Variants in PRKCH observed in about 807,000 individuals in gnomAD.
The protein encoded by PRKCH is protein kinase C eta.
PRKCH carries 28 observed loss-of-function variants against 82.5 expected under a neutral mutation model. The ratio of observed to expected loss-of-function variants is 0.34; its 90% CI spans 0.25 to 0.47. The LOEUF is 0.47. Ranked by LOEUF, PRKCH falls within the 20% of genes least tolerant of loss-of-function variation. PRKCH has a pLI of 1.00. For missense variants in PRKCH, 705 were observed against 881.8 expected, an observed-to-expected ratio of 0.80 and a Z score of 2.54; for synonymous variants, 322 against 327.4, an observed-to-expected ratio of 0.98 and a Z score of 0.18.
chr14:61,242,173 A>G (rs571753386), intron 1 of PRKCH, among the ~76,000 whole-genome samples: 2 of 152,316 alleles, frequency 1.3e-5, no homozygotes, highest in Admixed American at 1.3e-4. Flanking sequence ...TAGAGTGACA[A>G]TGGAGCAGGA....
intron 10 of PRKCH, among the ~76,000 whole-genome samples, chr14:61,496,616 C>G (rs1393106106): frequency 2.6e-5 from 4 of 151,968 alleles, no homozygotes; most frequent in South Asian, 4.1e-4. Flanking sequence ...CCGTGAAACC[C>G]TTCCCTTAGT....
chr14:61,453,680 G>A (rs1298694703), intron 7 of PRKCH, among the ~76,000 whole-genome samples: 2 of 148,470 alleles, frequency 1.3e-5, no homozygotes, highest in African/African-American at 5.0e-5. Flanking sequence ...TTGAGATGGG[G>A]TCTTCCTCTG....
intron 10 of PRKCH, among the ~76,000 whole-genome samples, chr14:61,512,425 C>A (rs1384151898): frequency 2.0e-5 from 3 of 151,926 alleles, no homozygotes; most frequent in Non-Finnish European, 1.5e-5. Context: ...AGGGAACCAG[C>A]CGATTCCTAG....
chr14:61,215,111 G>A (rs536387810), intron 1 of PRKCH, among the ~76,000 whole-genome samples: 10 of 152,270 alleles, frequency 6.6e-5, no homozygotes, highest in Admixed American at 2.0e-4. Context: ...GTTAGATGCC[G>A]TGATGGTTCA....
intron 1 of PRKCH, among the ~76,000 whole-genome samples, chr14:61,206,940 C>T (rs1329200335): frequency 6.6e-6 from 1 of 151,716 alleles, no homozygotes; most frequent in Non-Finnish European, 1.5e-5. Context: ...AACCCCGTCT[C>T]TACTAAAAAT....
At chr14:61,497,617 T>C (rs1301612711) in intron 10 of PRKCH, among the ~76,000 whole-genome samples, 2 of 152,214 alleles carry the variant, frequency 1.3e-5, no homozygotes, top group East Asian at 1.9e-4. Context: ...AGAAAGTTTT[T>C]AGTGCCCCTT....
chr14:61,329,232 G>GTTTTTTTT (rs369546229), intron 1 of PRKCH, among the ~76,000 whole-genome samples: 9 of 16,114 alleles, frequency 5.6e-4, no homozygotes, highest in Admixed American at 9.9e-4. Flanking sequence ...AAACTCCTGA[G>GTTTTTTTT]TCTTTTTTTT....
intron 1 of PRKCH, among the ~76,000 whole-genome samples, chr14:61,218,930 C>T (rs755698769): frequency 3.3e-5 from 5 of 152,232 alleles, no homozygotes; most frequent in Admixed American, 6.5e-5. Context: ...TGCCCTCCTT[C>T]GAAATACAGT....
At chr14:61,442,970 A>G (rs1594711567) in intron 2 of PRKCH, 141 bp from the exon 3 acceptor site, 8 of 791,938 alleles carry the variant, frequency 1.0e-5, no homozygotes, top group Middle Eastern at 7.7e-4. Flanking sequence ...AGCCATAATG[A>G]TTTTAGGGGG....
At chr14:61,449,320 C>A in intron 5 of PRKCH, 68 bp downstream of exon 5, 2 of 1,204,886 alleles carry the variant, frequency 1.7e-6, no homozygotes, top group Non-Finnish European at 2.4e-6. Flanking sequence ...CGCCGTCTCT[C>A]TCCCTCCCTC....
chr14:61,473,863 C>T (rs953817628), intron 9 of PRKCH, among the ~76,000 whole-genome samples: 5 of 151,816 alleles, frequency 3.3e-5, no homozygotes, highest in Non-Finnish European at 4.4e-5. Flanking sequence ...CATGGTGGCA[C>T]GCACCTGTAA....
chr14:61,477,650 A>G (rs1328973730), intron 9 of PRKCH, among the ~76,000 whole-genome samples: 4 of 152,258 alleles, frequency 2.6e-5, no homozygotes, highest in Non-Finnish European at 5.9e-5. Flanking sequence ...ATTACCAGTC[A>G]GTGTTAGAAA....
At chr14:61,192,024 G>A (rs980247702) in intron 1 of PRKCH, among the ~76,000 whole-genome samples, 10 of 141,704 alleles carry the variant, frequency 7.1e-5, no homozygotes, top group Non-Finnish European at 1.2e-4. Context: ...AACATTGTGT[G>A]TGTGTGTGTG....
At chr14:61,382,152 C>T (rs1219877679) in intron 1 of PRKCH, among the ~76,000 whole-genome samples, 2 of 152,184 alleles carry the variant, frequency 1.3e-5, no homozygotes, top group Non-Finnish European at 2.9e-5. Context: ...CAGCCTCAGC[C>T]AGGCACAGTG....
chr14:61,282,757 A>G (rs1468916973), intron 1 of PRKCH, among the ~76,000 whole-genome samples: 1 of 152,208 alleles, frequency 6.6e-6, no homozygotes, highest in African/African-American at 2.4e-5. Flanking sequence ...AGTTTGTTAA[A>G]TGAATGCAAG....
chr14:61,421,127 G>A (rs1003466870), intron 2 of PRKCH, among the ~76,000 whole-genome samples: 8 of 151,456 alleles, frequency 5.3e-5, no homozygotes, highest in Admixed American at 5.3e-4. Flanking sequence ...GACCCCAGGT[G>A]TATAATTGGT....
rs5809103 is a variant in PRKCH at position 61,533,328 on chromosome 14, A to AT, written c.1761+2749dup. The stretch of plus-strand genomic sequence containing the variant: ...AAAAATCACTAAGAGGATTTCTGGG[A>AT]TTTTTTTTTTTTTTTTGTGCATTTT... On this transcript the variant is annotated intron_variant, in intron 12 of 13. Coordinates refer to ENST00000332981, the MANE Select transcript of PRKCH (RefSeq NM_006255.5). 2.7e-3 allele frequency among the ~76,000 whole-genome samples: 394 copies of AT among 143,566 alleles called. 4 individuals carry two copies. Among genetic ancestry groups the AT allele is most frequent in the African/African-American group, 8.4e-3 (327 of 39,104 alleles). 94.2% of individuals were successfully genotyped at this position (143,566 alleles called of 152,430 possible). A position where few individuals can be genotyped will look rare whatever the true frequency, so the allele number is the denominator to read the frequency against.
intron 1 of PRKCH, among the ~76,000 whole-genome samples, chr14:61,353,255 C>CT (rs1451973359): frequency 6.6e-6 from 1 of 152,056 alleles, no homozygotes; most frequent in Non-Finnish European, 1.5e-5. Flanking sequence ...TTATGGGGGA[C>CT]TTTCATTTCC....
chr14:61,264,756 T>C (rs1178166427), intron 1 of PRKCH, among the ~76,000 whole-genome samples: 2 of 152,200 alleles, frequency 1.3e-5, no homozygotes, highest in African/African-American at 2.4e-5. Context: ...CCCCCTTCAG[T>C]GGGCTTCAGG....
Sources: gnomAD v4.1 joint callset for allele counts (sites outside exome capture counted in the v4.1 genomes callset) on GRCh38, gnomAD v4.1.1 for gene constraint, MANE v1.5 for transcripts, NCBI Gene and HGNC (gene_info 2026-07-23, HGNC 2026-07-21) for gene names.